Variants in EXOC6B observed in about 807,000 individuals in gnomAD.
The protein encoded by EXOC6B is exocyst complex component 6B.
In EXOC6B, 54 loss-of-function variants were observed where a neutral mutation model predicts 113.5. The ratio of observed to expected loss-of-function variants is 0.48; its 90% CI spans 0.38 to 0.60. The LOEUF (loss-of-function observed/expected upper bound fraction) is 0.60. Among genes scored for constraint, EXOC6B ranks in the 20% least tolerant of loss-of-function variants. EXOC6B has a pLI of 0.00. For synonymous variants in EXOC6B, 357 were observed against 339.0 expected (o/e 1.05, Z -0.58); for missense variants, 797 against 977.5 (o/e 0.82, Z 2.46).
At chr2:72,491,863 C>T (rs1264571014) in intron 16 of EXOC6B, among the ~76,000 whole-genome samples, 1 of 152,004 alleles carries the variant, frequency 6.6e-6, no homozygotes, top group Admixed American at 6.6e-5. Context: ...TATGAGATAT[C>T]TTAAAAATAA....
intron 18 of EXOC6B, among the ~76,000 whole-genome samples, chr2:72,447,770 G>T (rs905392890): frequency 1.3e-5 from 2 of 152,114 alleles, no homozygotes; most frequent in African/African-American, 4.8e-5. Context: ...CCTTGTACTT[G>T]TACTTTGTAC....
chr2:72,183,303 G>T (rs1251583473), intron 21 of EXOC6B, among the ~76,000 whole-genome samples: 1 of 152,138 alleles, frequency 6.6e-6, no homozygotes, highest in Admixed American at 6.5e-5. Context: ...TTTTTATATG[G>T]GTCTTGGTCT....
At chr2:72,646,290 G>A (rs941550488) in intron 6 of EXOC6B, among the ~76,000 whole-genome samples, 4 of 138,122 alleles carry the variant, frequency 2.9e-5, no homozygotes, top group African/African-American at 9.7e-5. Flanking sequence ...CTGAAATTGA[G>A]GCAATAATTA....
chr2:72,748,624 T>C (rs1681848024), intron 1 of EXOC6B, among the ~76,000 whole-genome samples: 1 of 152,048 alleles, frequency 6.6e-6, no homozygotes, highest in African/African-American at 2.4e-5. Flanking sequence ...TCAAATCCTT[T>C]TTCCAGCTCT....
chr2:72,249,328 C>T (rs746918730), intron 20 of EXOC6B, among the ~76,000 whole-genome samples: 16 of 152,082 alleles, frequency 1.1e-4, no homozygotes, highest in Non-Finnish European at 2.1e-4. Context: ...GGTGCAATCT[C>T]GGCTAACTGC....
chr2:72,794,424 G>A (rs2105051956), intron 1 of EXOC6B, among the ~76,000 whole-genome samples: 1 of 152,104 alleles, frequency 6.6e-6, no homozygotes, highest in South Asian at 2.1e-4. Flanking sequence ...GAGATTTGGT[G>A]AATATTACCC....
chr2:72,649,158 A>C (rs1022320785), intron 6 of EXOC6B, among the ~76,000 whole-genome samples: 1 of 152,130 alleles, frequency 6.6e-6, no homozygotes, highest in African/African-American at 2.4e-5. Flanking sequence ...GAAAAAAATA[A>C]AATTGAACTC....
At chr2:72,340,885 T>C in intron 19 of EXOC6B, among the ~76,000 whole-genome samples, 1 of 152,048 alleles carries the variant, frequency 6.6e-6, no homozygotes, top group East Asian at 1.9e-4. Flanking sequence ...ACTAAGCTAA[T>C]TACAAACAGG....
intron 6 of EXOC6B, among the ~76,000 whole-genome samples, chr2:72,639,564 C>A (rs992050863): frequency 6.6e-6 from 1 of 152,200 alleles, no homozygotes; most frequent in East Asian, 1.9e-4. Context: ...AAGGACAAAT[C>A]CCACTGTCAC....
intron 11 of EXOC6B, among the ~76,000 whole-genome samples, chr2:72,503,865 C>T (rs1324163064): frequency 1.9e-5 from 2 of 102,808 alleles, no homozygotes; most frequent in Non-Finnish European, 4.7e-5. Flanking sequence ...TGGTGTGGTT[C>T]GTGTTCTGGA....
Position 72,403,670 on chromosome 2 carries a change from C to T in EXOC6B, c.1981-23800G>A, listed in dbSNP as rs559891361. ...GATTGTGCCACTGTACTGCCCACTA[C>T]AGTCCAGCCTGGGCAAAAGAGCAAG... On this transcript the variant is annotated intron_variant, in intron 18 of 21. Coordinates refer to ENST00000272427, the MANE Select transcript of EXOC6B (RefSeq NM_015189.3). 1.8e-4 allele frequency among the ~76,000 whole-genome samples: 28 copies of T among 152,302 alleles called. No individual in the cohort carries two copies. In the South Asian group the frequency reaches 5.8e-3, roughly 32 times the overall value.
intron 8 of EXOC6B, chr2:72,515,689 T>C (rs1047557008): frequency 2.0e-6 from 2 of 988,624 alleles, no homozygotes; most frequent in East Asian, 2.2e-4. Context: ...TTAGGGTTTC[T>C]GGGCTTAAAA....
intron 20 of EXOC6B, among the ~76,000 whole-genome samples, chr2:72,324,784 G>A (rs1688031663): frequency 6.6e-6 from 1 of 152,066 alleles, no homozygotes; most frequent in South Asian, 2.1e-4. Context: ...GGTTACAGAA[G>A]CCCTATTTTT....
At chr2:72,479,110 A>G (rs1271505604) in intron 17 of EXOC6B, among the ~76,000 whole-genome samples, 1 of 152,214 alleles carries the variant, frequency 6.6e-6, no homozygotes, top group East Asian at 1.9e-4. Flanking sequence ...CATCTAAATT[A>G]GTATCATTAG....
chr2:72,561,550 C>A (rs984653830), intron 7 of EXOC6B, among the ~76,000 whole-genome samples: 1 of 152,078 alleles, frequency 6.6e-6, no homozygotes, highest in African/African-American at 2.4e-5. Flanking sequence ...ATTCCTCAGA[C>A]AAGGCCTTAG....
At chr2:72,607,571 T>C (rs928703863) in intron 6 of EXOC6B, among the ~76,000 whole-genome samples, 1 of 152,196 alleles carries the variant, frequency 6.6e-6, no homozygotes, top group South Asian at 2.1e-4. Context: ...TCCAAGTCTT[T>C]AGGTGAATAT....
At chr2:72,286,634 C>T (rs1188185549) in intron 20 of EXOC6B, among the ~76,000 whole-genome samples, 1 of 152,026 alleles carries the variant, frequency 6.6e-6, no homozygotes, top group Non-Finnish European at 1.5e-5. Flanking sequence ...AGCCCTCATG[C>T]AAATTATCAA....
intron 1 of EXOC6B, among the ~76,000 whole-genome samples, chr2:72,773,647 T>C (rs1227960251): frequency 2.0e-5 from 3 of 152,016 alleles, no homozygotes; most frequent in African/African-American, 7.2e-5. Flanking sequence ...TCATTTAAAA[T>C]TAACAATGAA....
At chr2:72,745,223 T>C (rs1054341124) in intron 1 of EXOC6B, among the ~76,000 whole-genome samples, 2 of 152,100 alleles carry the variant, frequency 1.3e-5, no homozygotes, top group Non-Finnish European at 2.9e-5. Context: ...GAGGCCAAGA[T>C]AGAGGGATTG....
Sources: allele counts gnomAD v4.1 joint callset (sites outside exome capture counted in the v4.1 genomes callset), GRCh38; gene constraint gnomAD v4.1.1; transcripts MANE v1.5; gene names NCBI Gene and HGNC (gene_info 2026-07-23, HGNC 2026-07-21).